The following CDK15 variants were observed in gnomAD, a reference collection of about 807,000 sequenced individuals.
The protein encoded by CDK15 is cyclin-dependent kinase 15.
Under a neutral mutation model 60.3 loss-of-function variants are expected in CDK15, and 62 were observed. The ratio of observed to expected loss-of-function variants is 1.03; its 90% CI spans 0.84 to 1.27. The LOEUF (loss-of-function observed/expected upper bound fraction) is 1.27, where lower values mean the gene tolerates loss of function less well. Among genes scored for constraint, CDK15 ranks in the 50% most tolerant of loss-of-function variants. The pLI, the probability that CDK15 is intolerant of heterozygous loss-of-function variation, is 0.00. For synonymous variants in CDK15, 194 were observed against 195.7 expected (o/e 0.99, Z 0.07); for missense variants, 541 against 527.8 (o/e 1.03, Z -0.25).
At chr2:201,852,058 TC>T (rs1418134313) in intron 9 of CDK15, among the ~76,000 whole-genome samples, 1 of 152,230 alleles carries the variant, frequency 6.6e-6, no homozygotes, top group East Asian at 1.9e-4. Flanking sequence ...AAATATTTTC[TC>T]CCATCGTAGG....
At chr2:201,886,595 G>T (rs964010206) in intron 12 of CDK15, among the ~76,000 whole-genome samples, 1 of 152,212 alleles carries the variant, frequency 6.6e-6, no homozygotes, top group African/African-American at 2.4e-5. Context: ...AAAGTGCTGG[G>T]ATTACAGGCG....
At chr2:201,887,216 A>G (rs141913758) in intron 12 of CDK15, among the ~76,000 whole-genome samples, 9 of 152,248 alleles carry the variant, frequency 5.9e-5, no homozygotes. Flanking sequence ...GTGTGATATT[A>G]TGAAAGTTCT....
chr2:201,859,159 C>T (rs1040888213), intron 10 of CDK15, among the ~76,000 whole-genome samples: 11 of 152,160 alleles, frequency 7.2e-5, no homozygotes, highest in Admixed American at 7.2e-4. Flanking sequence ...AATAAAGAAC[C>T]GCAAGCTGGA....
chr2:201,816,626 G>C (rs555126362), intron 4 of CDK15, among the ~76,000 whole-genome samples: 1 of 152,002 alleles, frequency 6.6e-6, no homozygotes, highest in Non-Finnish European at 1.5e-5. Context: ...TTGACAGAAC[G>C]ATTTATTTTC....
chr2:201,849,821 T>G (rs949842901), intron 9 of CDK15, among the ~76,000 whole-genome samples: 8 of 152,196 alleles, frequency 5.3e-5, no homozygotes, highest in African/African-American at 1.7e-4. Flanking sequence ...TAAACTGATT[T>G]TTTTTCTTTT....
At chr2:201,832,883 C>T in intron 6 of CDK15, among the ~76,000 whole-genome samples, 1 of 152,242 alleles carries the variant, frequency 6.6e-6, no homozygotes, top group East Asian at 1.9e-4. Context: ...CTGGGCCTAG[C>T]CCTTCCTTTC....
At chr2:201,832,729 A>G (rs918915356) in intron 6 of CDK15, among the ~76,000 whole-genome samples, 1 of 152,212 alleles carries the variant, frequency 6.6e-6, no homozygotes, top group Non-Finnish European at 1.5e-5. Context: ...CCATTGGACC[A>G]TTTGGCTCCA....
chr2:201,811,976 C>A (rs1695788085), intron 3 of CDK15, among the ~76,000 whole-genome samples: 1 of 151,942 alleles, frequency 6.6e-6, no homozygotes, highest in Admixed American at 6.6e-5. Context: ...AGTTCGAGAC[C>A]AGCCTGGCCA....
intron 11 of CDK15, among the ~76,000 whole-genome samples, chr2:201,872,670 G>A (rs201563683): frequency 1.3e-5 from 2 of 151,570 alleles, no homozygotes; most frequent in Admixed American, 6.6e-5. Context: ...GGCTATTGGA[G>A]GGGGGGCAAC....
At chr2:201,859,507 T>C (rs1698293459) in intron 10 of CDK15, among the ~76,000 whole-genome samples, 1 of 152,150 alleles carries the variant, frequency 6.6e-6, no homozygotes, top group Admixed American at 6.5e-5. Flanking sequence ...AAAGGAGGAA[T>C]ATACAAGAAG....
chr2:201,816,466 T>TG (rs1169040538), intron 4 of CDK15, among the ~76,000 whole-genome samples: 1 of 147,850 alleles, frequency 6.8e-6, no homozygotes, highest in African/African-American at 2.5e-5. Context: ...TTTTTTTTTT[T>TG]TTTTTTTTTT....
At chr2:201,857,995 C>A (rs1208648186) in intron 10 of CDK15, among the ~76,000 whole-genome samples, 1 of 152,080 alleles carries the variant, frequency 6.6e-6, no homozygotes, top group Non-Finnish European at 1.5e-5. Context: ...CCTTTTCATT[C>A]TAAGTAGTCC....
At chr2:201,863,757 G>T (rs1698495276) in intron 10 of CDK15, among the ~76,000 whole-genome samples, 1 of 152,176 alleles carries the variant, frequency 6.6e-6, no homozygotes, top group Non-Finnish European at 1.5e-5. Context: ...TTAGCCAGGT[G>T]TGGTGGCAGG....
At chr2:201,892,324 T>A (rs747328235) in intron 13 of CDK15, among the ~76,000 whole-genome samples, 9 of 152,208 alleles carry the variant, frequency 5.9e-5, no homozygotes, top group Admixed American at 5.2e-4. Flanking sequence ...TTACCCTTCA[T>A]AAAATTATCA....
chr2:201,862,112 C>T (rs770441996), intron 10 of CDK15, among the ~76,000 whole-genome samples: 3 of 152,188 alleles, frequency 2.0e-5, no homozygotes, highest in Admixed American at 6.5e-5. Flanking sequence ...GTTGTGTGCC[C>T]GTTAAGGCTG....
chr2:201,880,266 A>G (rs1699229840), intron 12 of CDK15, 99 bp downstream of exon 12: 1 of 1,388,842 alleles, frequency 7.2e-7, no homozygotes, highest in Non-Finnish European at 9.8e-7. Context: ...GCACCGGAGA[A>G]TCATAGCATT....
chr2:201,809,534 A>G (rs966446770), intron 3 of CDK15, among the ~76,000 whole-genome samples: 1 of 151,718 alleles, frequency 6.6e-6, no homozygotes, highest in Non-Finnish European at 1.5e-5. Context: ...TCCTTAATCT[A>G]TCTTTTCTTA....
chr2:201,890,843 G>GGCCT lies in CDK15; in HGVS notation c.1258_1261dup (p.Ser421CysfsTer13), dbSNP rs761274605. On this transcript the variant is annotated frameshift_variant, in exon 13 of 14. Coordinates refer to ENST00000652192, the MANE Select transcript of CDK15 (RefSeq NM_001366386.2). LOFTEE classifies it high-confidence loss of function. ...TAAAGCCAGAAATGTGTGACCTTTT[G>GGCCT]GCCTCCTACCAGAAAGGTCACCACC... 23 of 1,613,448 alleles carry GGCCT rather than the reference G, an allele frequency of 1.4e-5. 2 individuals are homozygous for GGCCT. In the African/African-American group the frequency reaches 2.3e-4, roughly 16 times the overall value.
intron 11 of CDK15, among the ~76,000 whole-genome samples, chr2:201,872,582 G>C (rs1272849604): frequency 6.6e-6 from 1 of 152,028 alleles, no homozygotes; most frequent in Non-Finnish European, 1.5e-5. Context: ...CCCTGAGAAC[G>C]AGGGAGTGTT....
Sources: allele counts gnomAD v4.1 joint callset (sites outside exome capture counted in the v4.1 genomes callset), GRCh38; gene constraint gnomAD v4.1.1; transcripts MANE v1.5; gene names NCBI Gene and HGNC (gene_info 2026-07-23, HGNC 2026-07-21).